The following TRHDE variants were observed in gnomAD, a reference collection of about 807,000 sequenced individuals.
TRHDE encodes the protein thyrotropin releasing hormone degrading enzyme.
TRHDE carries 72 observed loss-of-function variants against 125.7 expected under a neutral mutation model. The ratio of observed to expected loss-of-function variants is 0.57; its 90% CI spans 0.47 to 0.70. The LOEUF is 0.70. TRHDE is among the 30% of genes least tolerant of loss of function. The probability of loss-of-function intolerance (pLI) is 0.00; values close to 1 mark genes in which losing one functional copy is unlikely to be tolerated. For missense variants in TRHDE, 1,110 were observed against 1,327.1 expected (o/e 0.84, Z 2.54); for synonymous variants, 509 against 509.1 (o/e 1.00, Z 0.00).
intron 2 of TRHDE, among the ~76,000 whole-genome samples, chr12:72,326,037 C>T (rs1028154473): frequency 6.6e-6 from 1 of 152,106 alleles, no homozygotes; most frequent in East Asian, 1.9e-4. Context: ...TAACAAACTG[C>T]GTAGAGACAG....
At position 72,446,369 on chromosome 12, in the gene TRHDE, G is replaced by A. The variant is rs183895454; in HGVS notation, c.1316-23389G>A. ...AGCTCCTGAAGGAAGCACTAAACAC[G>A]GAAAGGAAGAACCAGTACCAGCCAC... On this transcript the variant is annotated intron_variant, in intron 3 of 18. Coordinates refer to ENST00000261180, the MANE Select transcript of TRHDE (RefSeq NM_013381.3). 3.2e-4 allele frequency among the ~76,000 whole-genome samples: 49 copies of A among 151,814 alleles called. 1 individual carries two copies. In the East Asian group the frequency reaches 7.4e-3, roughly 23 times the overall value.
At chr12:72,205,918 A>G (rs2139357947) in intron 2 of TRHDE, among the ~76,000 whole-genome samples, 1 of 152,098 alleles carries the variant, frequency 6.6e-6, no homozygotes, top group Admixed American at 6.6e-5. Context: ...ATTTTTTGAG[A>G]AGACTCCATG....
intron 12 of TRHDE, among the ~76,000 whole-genome samples, chr12:72,593,130 C>T (rs1871765125): frequency 6.6e-6 from 1 of 152,204 alleles, no homozygotes; most frequent in South Asian, 2.1e-4. Flanking sequence ...CTACTCACTT[C>T]AGTGTTTATG....
intron 2 of TRHDE, among the ~76,000 whole-genome samples, chr12:72,153,686 T>G (rs1166065982): frequency 4.6e-5 from 7 of 152,090 alleles, no homozygotes; most frequent in African/African-American, 1.7e-4. Context: ...GTTGTTCAGT[T>G]TCCGTGTAGT....
intron 2 of TRHDE, among the ~76,000 whole-genome samples, chr12:72,121,322 C>A (rs1260777682): frequency 2.0e-5 from 3 of 152,198 alleles, no homozygotes; most frequent in African/African-American, 7.2e-5. Context: ...CCTAGACAAC[C>A]TTTCAGGTTT....
At chr12:72,659,233 G>T (rs1332555412) in intron 18 of TRHDE, among the ~76,000 whole-genome samples, 1 of 152,130 alleles carries the variant, frequency 6.6e-6, no homozygotes, top group African/African-American at 2.4e-5. Context: ...CCTGAAACTG[G>T]AGTTTCCTTT....
At chr12:72,587,118 C>T (rs888963982) in intron 12 of TRHDE, among the ~76,000 whole-genome samples, 1 of 152,156 alleles carries the variant, frequency 6.6e-6, no homozygotes, top group Non-Finnish European at 1.5e-5. Flanking sequence ...TATTACTTAT[C>T]CTTTTTCAAC....
chr12:72,645,297 G>A (rs1874236476), intron 15 of TRHDE, among the ~76,000 whole-genome samples: 1 of 152,080 alleles, frequency 6.6e-6, no homozygotes, highest in South Asian at 2.1e-4. Context: ...AGGTGATGAA[G>A]CTGAACAACA....
chr12:72,669,231 A>G lies in TRHDE; in HGVS notation c.*6036A>G, dbSNP rs1875191784. On this transcript the variant is annotated 3_prime_UTR_variant, in exon 19 of 19. Transcript: ENST00000261180. The stretch of plus-strand genomic sequence containing the variant: ...CTGTCTTTGCATGTGGAGGAGACAT[A>G]TTAGTCTAGCCAGAACTTTCCTTTT... The G allele has an allele frequency of 6.6e-6, 1 of 151,834 alleles. No homozygotes were observed. The highest frequency in any genetic ancestry group is 1.5e-5 in the Non-Finnish European group (1 of 67,846). 9.4% of individuals were successfully genotyped at this position (151,834 alleles called of 1,614,324 possible). A position where few individuals can be genotyped will look rare whatever the true frequency, so the allele number is the denominator to read the frequency against.
intron 7 of TRHDE, among the ~76,000 whole-genome samples, chr12:72,551,980 G>T (rs188806074): frequency 5.9e-5 from 9 of 152,188 alleles, no homozygotes; most frequent in African/African-American, 1.4e-4. Flanking sequence ...GTTAAGACAA[G>T]AACTGAGCAT....
At chr12:72,457,480 T>C (rs1249837992) in intron 3 of TRHDE, among the ~76,000 whole-genome samples, 1 of 152,192 alleles carries the variant, frequency 6.6e-6, no homozygotes, top group African/African-American at 2.4e-5. Context: ...ATTCATTGTT[T>C]AGATGCCAGT....
chr12:72,364,057 C>T (rs188235254), intron 2 of TRHDE, among the ~76,000 whole-genome samples: 9 of 152,062 alleles, frequency 5.9e-5, no homozygotes, highest in African/African-American at 1.9e-4. Context: ...AGGAAGCCAA[C>T]TTACAAGGGA....
intron 3 of TRHDE, among the ~76,000 whole-genome samples, chr12:72,438,126 C>T (rs564533573): frequency 3.0e-4 from 45 of 151,654 alleles, no homozygotes; most frequent in East Asian, 9.7e-4. Context: ...TTTATACGGC[C>T]GAATAGTATT....
chr12:72,370,465 T>C (rs1871526596), intron 2 of TRHDE, among the ~76,000 whole-genome samples: 1 of 152,194 alleles, frequency 6.6e-6, no homozygotes, highest in African/African-American at 2.4e-5. Flanking sequence ...GTGACTTGCT[T>C]GTGCCGACGG....
chr12:72,349,485 T>C (rs1290579644), intron 2 of TRHDE, among the ~76,000 whole-genome samples: 1 of 152,048 alleles, frequency 6.6e-6, no homozygotes, highest in Non-Finnish European at 1.5e-5. Flanking sequence ...CCTTCTGTTT[T>C]ATCTCTAGTA....
At chr12:72,540,854 G>T (rs1869110695) in intron 6 of TRHDE, among the ~76,000 whole-genome samples, 1 of 151,570 alleles carries the variant, frequency 6.6e-6, no homozygotes, top group Non-Finnish European at 1.5e-5. Context: ...AATCAGAAAA[G>T]GCATAAAACT....
intron 7 of TRHDE, among the ~76,000 whole-genome samples, chr12:72,544,787 T>A (rs1046791679): frequency 6.6e-6 from 1 of 151,628 alleles, no homozygotes; most frequent in Non-Finnish European, 1.5e-5. Flanking sequence ...TGTGTGTATA[T>A]GTATATGTAA....
intron 2 of TRHDE, among the ~76,000 whole-genome samples, chr12:72,288,587 A>C (rs918568466): frequency 7.2e-5 from 11 of 152,192 alleles, no homozygotes; most frequent in African/African-American, 2.7e-4. Context: ...ACACGAAGAC[A>C]TCTCATTTCA....
chr12:72,607,931 C>T (rs758513617), intron 12 of TRHDE, among the ~76,000 whole-genome samples: 9 of 151,958 alleles, frequency 5.9e-5, no homozygotes, highest in South Asian at 4.1e-4. Flanking sequence ...AAAAATGTTC[C>T]ACTTTTTGGA....
Sources: allele counts gnomAD v4.1 joint callset (sites outside exome capture counted in the v4.1 genomes callset), GRCh38; gene constraint gnomAD v4.1.1; transcripts MANE v1.5; gene names NCBI Gene and HGNC (gene_info 2026-07-23, HGNC 2026-07-21).